The following ITGA9 variants were observed in gnomAD, a reference collection of about 807,000 sequenced individuals.
ITGA9 encodes the protein integrin alpha-9.
Under a neutral mutation model 127.8 loss-of-function variants are expected in ITGA9, and 56 were observed. That is an observed-to-expected ratio of 0.44 (90% CI 0.35 to 0.55). The LOEUF (loss-of-function observed/expected upper bound fraction) is 0.55. ITGA9 is among the 20% of genes least tolerant of loss of function. The pLI is 0.00. For missense variants in ITGA9, 1,196 were observed against 1,347.1 expected (o/e 0.89, Z 1.76); for synonymous variants, 508 against 514.5 (o/e 0.99, Z 0.17).
intron 23 of ITGA9, among the ~76,000 whole-genome samples, chr3:37,770,135 A>C (rs956217868): frequency 6.6e-6 from 1 of 152,166 alleles, no homozygotes; most frequent in Non-Finnish European, 1.5e-5. Context: ...TAGCTGGTTG[A>C]ACCTCAAAAA....
chr3:37,486,285 T>C (rs1220785125), intron 4 of ITGA9, among the ~76,000 whole-genome samples: 1 of 152,232 alleles, frequency 6.6e-6, no homozygotes, highest in Non-Finnish European at 1.5e-5. Context: ...AAGAGGTAAT[T>C]ATGATGCCAT....
intron 13 of ITGA9, among the ~76,000 whole-genome samples, chr3:37,529,881 G>T (rs536762004): frequency 6.6e-6 from 1 of 152,320 alleles, no homozygotes; most frequent in South Asian, 2.1e-4. Flanking sequence ...CAGGCCCCAA[G>T]ATAGGAATAA....
intron 18 of ITGA9, among the ~76,000 whole-genome samples, chr3:37,716,280 A>T (rs1039355433): frequency 6.6e-6 from 1 of 152,168 alleles, no homozygotes; most frequent in African/African-American, 2.4e-5. Context: ...ATGGAGCTCC[A>T]TGATGTGGGA....
At chr3:37,505,325 G>T (rs1426374514) in intron 6 of ITGA9, among the ~76,000 whole-genome samples, 1 of 152,226 alleles carries the variant, frequency 6.6e-6, no homozygotes, top group Non-Finnish European at 1.5e-5. Context: ...GCATAAAAAT[G>T]TTGGTAGCAA....
At position 37,823,009 on chromosome 3, in the gene ITGA9, T is replaced by G. The variant is rs1259572259; in HGVS notation, c.*4020T>G. 1 of 152,058 alleles carries G rather than the reference T, an allele frequency of 6.6e-6. No homozygotes were observed. Among genetic ancestry groups the G allele is most frequent in the East Asian group, 1.9e-4 (1 of 5,140 alleles). 9.4% of individuals were successfully genotyped at this position (152,058 alleles called of 1,614,324 possible). A position where few individuals can be genotyped will look rare whatever the true frequency, so the allele number is the denominator to read the frequency against. ...CACTTTTAGCTGATATTTTGATATA[T>G]AGAATAATAATATACACAGTGGAGA... On this transcript the variant is annotated 3_prime_UTR_variant, in exon 28 of 28. Transcript: ENST00000264741.
chr3:37,665,468 C>A (rs1700577827), intron 17 of ITGA9, among the ~76,000 whole-genome samples: 1 of 150,602 alleles, frequency 6.6e-6, no homozygotes, highest in Non-Finnish European at 1.5e-5. Context: ...CTTTTTTTTT[C>A]CGAAAAAGTC....
chr3:37,785,136 G>A lies in ITGA9; in HGVS notation c.2889+58G>A. 6 of 1,188,042 alleles carry A rather than the reference G, an allele frequency of 5.1e-6. No individual in the cohort carries two copies. In the South Asian group the frequency reaches 7.3e-5, roughly 14 times the overall value. The allele number at this position is 1,188,042 out of a possible 1,614,324, so 73.6% of individuals were successfully genotyped here. A position where few individuals can be genotyped will look rare whatever the true frequency, so the allele number is the denominator to read the frequency against. On this transcript the variant is annotated intron_variant, in intron 26 of 27. Transcript: ENST00000264741. ...GAGGGCAAGGGAAGCTGGGTGACTT[G>A]GAGACCTGGAGCTGGAATTTGAGGG...
At position 37,586,131 on chromosome 3, in the gene ITGA9, T is replaced by C. The variant is rs1699757261; in HGVS notation, c.1690-43056T>C. ...CTTTCTGAGCTTGTTTTGTCTAATA[T>C]TGCCTGTGCCAACAGTATTTTACCA... On this transcript the variant is annotated intron_variant, in intron 15 of 27. Coordinates refer to ENST00000264741, the MANE Select transcript of ITGA9 (RefSeq NM_002207.3). Among the ~76,000 whole-genome samples, 3 of 152,234 alleles carry C rather than the reference T, an allele frequency of 2.0e-5. No individual in the cohort carries two copies. In the South Asian group the frequency reaches 6.2e-4, roughly 31 times the overall value.
At chr3:37,693,653 G>C (rs749962181) in intron 18 of ITGA9, among the ~76,000 whole-genome samples, 1 of 152,176 alleles carries the variant, frequency 6.6e-6, no homozygotes, top group South Asian at 2.1e-4. Context: ...TTATTTGAGG[G>C]AGTGCTTTGG....
At chr3:37,760,246 G>C (rs548452068) in intron 23 of ITGA9, among the ~76,000 whole-genome samples, 1 of 151,204 alleles carries the variant, frequency 6.6e-6, no homozygotes, top group African/African-American at 2.4e-5. Context: ...CTGGGCAAAA[G>C]AGTGAGACTC....
At chr3:37,615,197 G>A (rs562571464) in intron 15 of ITGA9, among the ~76,000 whole-genome samples, 94 of 152,278 alleles carry the variant, frequency 6.2e-4, no homozygotes, top group Middle Eastern at 3.4e-3. Flanking sequence ...TTTTGTCAAA[G>A]GCCTTTTCTG....
At chr3:37,810,813 C>G (rs1168373258) in intron 27 of ITGA9, among the ~76,000 whole-genome samples, 1 of 152,236 alleles carries the variant, frequency 6.6e-6, no homozygotes, top group African/African-American at 2.4e-5. Flanking sequence ...GCCACCAGCC[C>G]CTGGCCCCAC....
intron 25 of ITGA9, among the ~76,000 whole-genome samples, chr3:37,781,287 A>C: frequency 6.6e-6 from 1 of 152,180 alleles, no homozygotes; most frequent in East Asian, 1.9e-4. Flanking sequence ...GCCAGTGGTA[A>C]ATATTTCAGG....
chr3:37,453,519 C>G (rs1549596), intron 1 of ITGA9, among the ~76,000 whole-genome samples: 2 of 152,000 alleles, frequency 1.3e-5, no homozygotes, highest in African/African-American at 4.8e-5. Context: ...AACAGCCACA[C>G]AGTGGTCACT....
intron 23 of ITGA9, among the ~76,000 whole-genome samples, chr3:37,771,964 C>T (rs2125547665): frequency 6.6e-6 from 1 of 152,280 alleles, no homozygotes; most frequent in South Asian, 2.1e-4. Context: ...TCAGCTTCCA[C>T]CTAAGAGGTA....
chr3:37,512,112 C>CTTT (rs59752110), intron 8 of ITGA9, among the ~76,000 whole-genome samples: 2 of 84,518 alleles, frequency 2.4e-5, no homozygotes, highest in African/African-American at 5.2e-5. Flanking sequence ...TTCCTTCCTT[C>CTTT]CTTCCTTCTT....
chr3:37,552,649 G>T (rs556901471), intron 15 of ITGA9, among the ~76,000 whole-genome samples: 3 of 152,104 alleles, frequency 2.0e-5, no homozygotes, highest in Non-Finnish European at 4.4e-5. Context: ...TCTCTTGGGC[G>T]TATGCGTGTG....
At chr3:37,499,109 G>C (rs1393807997) in intron 5 of ITGA9, among the ~76,000 whole-genome samples, 2 of 152,242 alleles carry the variant, frequency 1.3e-5, no homozygotes, top group Non-Finnish European at 2.9e-5. Flanking sequence ...GATACCACCT[G>C]AATTTTAGCC....
intron 26 of ITGA9, among the ~76,000 whole-genome samples, chr3:37,793,990 G>A (rs1028697273): frequency 6.6e-6 from 1 of 152,186 alleles, no homozygotes. Context: ...GCAGAGAACC[G>A]AGTCTTGGCC....
Sources: gnomAD v4.1 joint callset for allele counts (sites outside exome capture counted in the v4.1 genomes callset) on GRCh38, gnomAD v4.1.1 for gene constraint, MANE v1.5 for transcripts, NCBI Gene and HGNC (gene_info 2026-07-23, HGNC 2026-07-21) for gene names.